The following STIM1 variants were observed in gnomAD, a reference collection of about 807,000 sequenced individuals.
STIM1 encodes the protein stromal interaction molecule 1.
Under a neutral mutation model 74.7 loss-of-function variants are expected in STIM1, and 25 were observed. The ratio of observed to expected loss-of-function variants is 0.33; its 90% CI spans 0.24 to 0.47. The LOEUF is 0.47. Among genes scored for constraint, STIM1 ranks in the 20% least tolerant of loss-of-function variants. The pLI is 1.00. For synonymous variants in STIM1, 328 were observed against 348.8 expected (o/e 0.94, Z 0.66); for missense variants, 728 against 920.8 (o/e 0.79, Z 2.71).
chr11:3,870,488 C>A (rs1357388558), intron 1 of STIM1, among the ~76,000 whole-genome samples: 1 of 152,148 alleles, frequency 6.6e-6, no homozygotes, highest in East Asian at 1.9e-4. Flanking sequence ...CTATAATACT[C>A]TTTTTACTTT....
intron 3 of STIM1, among the ~76,000 whole-genome samples, chr11:4,050,685 G>T (rs2094232800): frequency 6.6e-6 from 1 of 152,144 alleles, no homozygotes; most frequent in South Asian, 2.1e-4. Context: ...TAGGGGTGCT[G>T]ACTGTCCCTT....
chr11:3,951,680 C>A (rs2093150097), intron 1 of STIM1, among the ~76,000 whole-genome samples: 1 of 152,140 alleles, frequency 6.6e-6, no homozygotes, highest in African/African-American at 2.4e-5. Context: ...CTTAGAGGGT[C>A]CACTGATAGG....
chr11:3,926,143 A>G lies in STIM1; in HGVS notation c.140-41409A>G, dbSNP rs1255373398. 2.0e-5 allele frequency among the ~76,000 whole-genome samples: 3 copies of G among 152,294 alleles called. No individual in the cohort carries two copies. In the East Asian group the frequency reaches 5.8e-4, roughly 29 times the overall value. On this transcript the variant is annotated intron_variant, in intron 1 of 12. Coordinates refer to ENST00000526596, the MANE Select transcript of STIM1 (RefSeq NM_001382567.1). ...CATATTCATTTATTTATTTGCAAACATCCCTTAAGATCATTTGTGTGGTAA... is the reference window on the plus strand; with the variant it reads ...CATATTCATTTATTTATTTGCAAACGTCCCTTAAGATCATTTGTGTGGTAA...
At chr11:3,992,102 T>TG (rs2093621569) in intron 2 of STIM1, among the ~76,000 whole-genome samples, 1 of 139,176 alleles carries the variant, frequency 7.2e-6, no homozygotes, top group African/African-American at 2.5e-5. Context: ...TTTTTTTTTT[T>TG]TTTTTTTTTA....
rs750028815 is a variant in STIM1 at position 4,070,144 on chromosome 11, G to A, written c.732G>A (p.Met244Ile). ...ACTCCAAGGAGCACATGAAGAAGAT[G>A]ATGAAGGACTTGGAGGGGTTACACC... ...NRYSKEHMKKMMKDLEGLHRA... is the reference protein window; with the variant it reads ...NRYSKEHMKKIMKDLEGLHRA... Residue 244 changes from methionine (M) to isoleucine (I), a missense_variant, in exon 6 of 13, where the codon ATG becomes ATA. Physicochemically the swap from Met to Ile is conservative, Grantham distance 10. Around this residue, in one of 5 missense-constraint regions of STIM1, gnomAD observed 132 missense variants for 158.2 expected, o/e 0.83. Transcript: ENST00000526596. 6.2e-7 allele frequency: 1 copy of A among 1,614,194 alleles called. No homozygotes were observed.
At chr11:3,895,162 T>G (rs936690042) in intron 1 of STIM1, among the ~76,000 whole-genome samples, 1 of 152,166 alleles carries the variant, frequency 6.6e-6, no homozygotes. Context: ...TGTGGAGCAC[T>G]TGGTGTTCTC....
intron 2 of STIM1, among the ~76,000 whole-genome samples, chr11:4,010,051 A>G (rs1199363881): frequency 6.6e-6 from 1 of 152,104 alleles, no homozygotes; most frequent in Non-Finnish European, 1.5e-5. Context: ...GGGCTCAAGC[A>G]ATCTCCTTCC....
At chr11:3,908,138 G>A (rs1163262126) in intron 1 of STIM1, among the ~76,000 whole-genome samples, 2 of 152,190 alleles carry the variant, frequency 1.3e-5, no homozygotes, top group East Asian at 1.9e-4. Flanking sequence ...AATCCTCAGT[G>A]CTAGAATACT....
chr11:4,042,820 A>G (rs1274760890), intron 3 of STIM1, among the ~76,000 whole-genome samples: 4 of 152,188 alleles, frequency 2.6e-5, no homozygotes, highest in African/African-American at 9.6e-5. Flanking sequence ...GAATGAAGGT[A>G]CATATGAAGA....
chr11:3,965,679 A>G (rs1209160511), intron 1 of STIM1, among the ~76,000 whole-genome samples: 2 of 152,198 alleles, frequency 1.3e-5, no homozygotes, highest in Admixed American at 1.3e-4. Flanking sequence ...TTCTTTTTGT[A>G]TGCATACTGT....
chr11:3,928,482 C>T (rs1191660832), intron 1 of STIM1, among the ~76,000 whole-genome samples: 1 of 152,180 alleles, frequency 6.6e-6, no homozygotes, highest in African/African-American at 2.4e-5. Flanking sequence ...CCACCTCGGC[C>T]TCCCAAAGTG....
chr11:4,076,347 G>A (rs1051185367), intron 7 of STIM1, among the ~76,000 whole-genome samples: 3 of 151,782 alleles, frequency 2.0e-5, no homozygotes, highest in Non-Finnish European at 4.4e-5. Context: ...TTAACTGGGT[G>A]TGGTGGCACA....
intron 7 of STIM1, among the ~76,000 whole-genome samples, chr11:4,076,512 A>T (rs1194275228): frequency 6.6e-6 from 1 of 150,548 alleles, no homozygotes; most frequent in South Asian, 2.1e-4. Flanking sequence ...AAAAAAAAAA[A>T]AAAAATTGAT....
chr11:4,057,095 C>T (rs1342180543), intron 4 of STIM1, among the ~76,000 whole-genome samples: 1 of 152,150 alleles, frequency 6.6e-6, no homozygotes, highest in Non-Finnish European at 1.5e-5. Context: ...AGACCTGACC[C>T]CTGACTTGAG....
intron 6 of STIM1, 36 bp from the exon 7 acceptor site, chr11:4,074,466 C>A: frequency 6.2e-7 from 1 of 1,611,888 alleles, no homozygotes. Context: ...CACCCCCTTG[C>A]CTGGCCTCCT....
intron 2 of STIM1, among the ~76,000 whole-genome samples, chr11:4,015,989 A>G (rs570122628): frequency 6.6e-6 from 1 of 152,258 alleles, no homozygotes; most frequent in Non-Finnish European, 1.5e-5. Flanking sequence ...GGGTTAGAAC[A>G]TGCTCCTTTA....
At chr11:4,083,119 A>G in intron 9 of STIM1, 137 bp downstream of exon 9, 5 of 1,176,530 alleles carry the variant, frequency 4.2e-6, no homozygotes, top group Non-Finnish European at 6.3e-6. Context: ...GCCTTTATTT[A>G]TCTCCTGCCT....
At chr11:4,056,286 C>A (rs1479695628) in intron 4 of STIM1, among the ~76,000 whole-genome samples, 1 of 152,192 alleles carries the variant, frequency 6.6e-6, no homozygotes. Context: ...GCCTACTTTA[C>A]ACGCTGAATA....
intron 2 of STIM1, among the ~76,000 whole-genome samples, chr11:4,017,857 A>G (rs1370598078): frequency 1.3e-5 from 2 of 152,166 alleles, no homozygotes; most frequent in East Asian, 3.9e-4. Flanking sequence ...TGCAATACCC[A>G]CCTGAGTGAT....
Sources: gnomAD v4.1 joint callset for allele counts (sites outside exome capture counted in the v4.1 genomes callset) on GRCh38, gnomAD v4.1.1 for gene constraint, gnomAD v4.1.1 regional missense constraint, MANE v1.5 for transcripts, NCBI Gene and HGNC (gene_info 2026-07-23, HGNC 2026-07-21) for gene names.